Variants in SPECC1 observed in about 807,000 individuals in gnomAD.
SPECC1 encodes the protein sperm antigen with calponin homology and coiled-coil domains 1.
SPECC1 carries 62 observed loss-of-function variants against 104.1 expected under a neutral mutation model. That is an observed-to-expected ratio of 0.60 (90% confidence interval 0.49 to 0.74). The LOEUF (loss-of-function observed/expected upper bound fraction) is 0.74. Ranked by LOEUF, SPECC1 falls within the 30% of genes least tolerant of loss-of-function variation. The pLI is 0.00. For synonymous variants in SPECC1, 513 were observed against 501.6 expected, an observed-to-expected ratio of 1.02 and a Z score of -0.30; for missense variants, 1,306 against 1,310.5, an observed-to-expected ratio of 1.00 and a Z score of 0.05.
intron 7 of SPECC1, among the ~76,000 whole-genome samples, chr17:20,235,025 G>A (rs1238073466): frequency 1.3e-5 from 2 of 152,226 alleles, no homozygotes; most frequent in South Asian, 2.1e-4. Context: ...TGTCATGTTT[G>A]CAGCCAACCA....
chr17:20,043,990 C>G (rs2045435931), intron 1 of SPECC1, among the ~76,000 whole-genome samples: 1 of 152,102 alleles, frequency 6.6e-6, no homozygotes, highest in East Asian at 1.9e-4. Context: ...TTTATATTCA[C>G]AGTATTTAGC....
chr17:20,225,287 A>G (rs886798925), intron 4 of SPECC1, among the ~76,000 whole-genome samples: 4 of 152,166 alleles, frequency 2.6e-5, no homozygotes, highest in African/African-American at 7.2e-5. Flanking sequence ...TCACTGGGTC[A>G]TGTGCACTCC....
chr17:20,219,734 A>G (rs1402053673), intron 4 of SPECC1, among the ~76,000 whole-genome samples: 1 of 152,036 alleles, frequency 6.6e-6, no homozygotes, highest in Non-Finnish European at 1.5e-5. Context: ...TTGGGCTATT[A>G]CTCAAGAAAT....
At chr17:20,103,745 C>T (rs1421432828) in intron 2 of SPECC1, among the ~76,000 whole-genome samples, 1 of 152,174 alleles carries the variant, frequency 6.6e-6, no homozygotes, top group East Asian at 1.9e-4. Flanking sequence ...AGGACGTCCG[C>T]ATCCCCCGTC....
chr17:20,223,098 G>C lies in SPECC1; in HGVS notation c.1864-4315G>C, dbSNP rs537592598. ...TTTCTCTAGATTTGGGAAGTTCTCT[G>C]TTGTTATCCCTTTGAATAAACTTTC... is the stretch of plus-strand genomic sequence containing the variant. On this transcript the variant is annotated intron_variant, in intron 4 of 14. Coordinates refer to ENST00000395527, the MANE Select transcript of SPECC1 (RefSeq NM_001243439.2). Among the ~76,000 whole-genome samples the C allele has an allele frequency of 4.6e-5, 7 of 152,136 alleles. 1 individual carries two copies. In the South Asian group the frequency reaches 1.5e-3, roughly 32 times the overall value.
At chr17:20,197,074 A>G (rs1435072746) in intron 3 of SPECC1, among the ~76,000 whole-genome samples, 1 of 152,208 alleles carries the variant, frequency 6.6e-6, no homozygotes, top group Non-Finnish European at 1.5e-5. Context: ...ATATTACTAC[A>G]GTAGTTGTAA....
intron 12 of SPECC1, among the ~76,000 whole-genome samples, chr17:20,268,485 T>TA (rs2040289994): frequency 6.6e-6 from 1 of 152,210 alleles, no homozygotes; most frequent in East Asian, 1.9e-4. Flanking sequence ...CTTATATTCT[T>TA]TTTTGAGACA....
At chr17:20,199,958 A>G (rs8076627) in intron 3 of SPECC1, among the ~76,000 whole-genome samples, 38,941 of 151,954 alleles carry the variant, frequency 0.26, 6,376 homozygotes, top group African/African-American at 0.47. Context: ...CCGCCCGGCT[A>G]ATTTTTGCAT....
At chr17:20,158,220 A>T (rs2032783091) in intron 3 of SPECC1, among the ~76,000 whole-genome samples, 1 of 152,122 alleles carries the variant, frequency 6.6e-6, no homozygotes, top group Non-Finnish European at 1.5e-5. Flanking sequence ...GAGCAAGGGG[A>T]CCAAAAGGAT....
intron 1 of SPECC1, among the ~76,000 whole-genome samples, chr17:20,015,469 G>T (rs181811955): frequency 5.3e-5 from 8 of 151,192 alleles, no homozygotes; most frequent in African/African-American, 1.9e-4. Context: ...GATGTTCCTT[G>T]GGCTGGTTTT....
intron 1 of SPECC1, among the ~76,000 whole-genome samples, chr17:20,081,278 C>G (rs763141004): frequency 2.0e-5 from 3 of 152,164 alleles, no homozygotes; most frequent in Non-Finnish European, 2.9e-5. Context: ...CTGGTGCCTA[C>G]TGCAGTGCCT....
At chr17:20,050,362 T>C (rs1244919250) in intron 1 of SPECC1, among the ~76,000 whole-genome samples, 2 of 152,236 alleles carry the variant, frequency 1.3e-5, no homozygotes, top group Non-Finnish European at 2.9e-5. Flanking sequence ...ACTAGATTTA[T>C]CGTATATTAA....
At chr17:20,041,425 A>G (rs934931559) in intron 1 of SPECC1, among the ~76,000 whole-genome samples, 1 of 151,884 alleles carries the variant, frequency 6.6e-6, no homozygotes, top group Non-Finnish European at 1.5e-5. Context: ...TATTTTTAGT[A>G]GAGACGGGGT....
At chr17:20,110,634 T>C (rs1375984985) in intron 3 of SPECC1, 72 bp downstream of exon 3, 3 of 1,457,112 alleles carry the variant, frequency 2.1e-6, no homozygotes, top group East Asian at 5.0e-5. Flanking sequence ...CAGTGACCCA[T>C]GACCCATCCA....
intron 1 of SPECC1, among the ~76,000 whole-genome samples, chr17:20,088,043 G>A (rs1488927966): frequency 6.6e-6 from 1 of 152,062 alleles, no homozygotes; most frequent in Non-Finnish European, 1.5e-5. Flanking sequence ...TCAGGGAGCT[G>A]GGAGCGGCCC....
intron 3 of SPECC1, among the ~76,000 whole-genome samples, chr17:20,120,292 A>C (rs2048965150): frequency 6.6e-6 from 1 of 152,118 alleles, no homozygotes; most frequent in South Asian, 2.1e-4. Flanking sequence ...AGGCTGAGGC[A>C]GAAGAATCTC....
At chr17:20,275,067 G>A (rs902144122) in intron 12 of SPECC1, among the ~76,000 whole-genome samples, 3 of 151,814 alleles carry the variant, frequency 2.0e-5, no homozygotes, top group African/African-American at 7.3e-5. Context: ...AAATAGGTAA[G>A]AATTATATCA....
chr17:20,215,944 A>T (rs901378901), intron 4 of SPECC1, among the ~76,000 whole-genome samples: 2 of 152,300 alleles, frequency 1.3e-5, no homozygotes, highest in East Asian at 3.9e-4. Flanking sequence ...CCTGACAGAG[A>T]TCTTTTTTCA....
At chr17:20,147,246 T>C (rs2031561576) in intron 3 of SPECC1, among the ~76,000 whole-genome samples, 1 of 152,072 alleles carries the variant, frequency 6.6e-6, no homozygotes, top group South Asian at 2.1e-4. Context: ...TAATTTTGTA[T>C]TTTTAGTAAA....
Sources: allele counts gnomAD v4.1 joint callset (sites outside exome capture counted in the v4.1 genomes callset), GRCh38; gene constraint gnomAD v4.1.1; transcripts MANE v1.5; gene names NCBI Gene and HGNC (gene_info 2026-07-23, HGNC 2026-07-21).